The following ABHD17A variants were observed in gnomAD, a reference collection of about 807,000 sequenced individuals.
The protein encoded by ABHD17A is abhydrolase domain containing 17A, depalmitoylase.
Under a neutral mutation model 26.8 loss-of-function variants are expected in ABHD17A, and 10 were observed. The observed-to-expected ratio is 0.37, with a 90% confidence interval of 0.23 to 0.63. ABHD17A has a LOEUF of 0.63. ABHD17A is among the 30% of genes least tolerant of loss of function. ABHD17A has a pLI of 0.61. For missense variants in ABHD17A, 292 were observed against 457.3 expected (o/e 0.64, Z 3.30); for synonymous variants, 167 against 210.9 (o/e 0.79, Z 1.80).
intron 1 of ABHD17A, 196 bp from the exon 2 acceptor site, chr19:1,882,000 T>A (rs2012554273): frequency 6.0e-6 from 1 of 167,100 alleles, no homozygotes; most frequent in South Asian, 1.7e-4. Flanking sequence ...CAGCCCCCTC[T>A]CCACAGGATG....
In ABHD17A at chr19:1,877,025, C is replaced by T. The variant is rs1234601589; in HGVS notation, c.*175G>A. 1.4e-5 allele frequency: 8 copies of T among 582,716 alleles called. No homozygotes were observed. The East Asian group carries it at 2.0e-4, about 15-fold the overall frequency. 36.1% of individuals were successfully genotyped at this position (582,716 alleles called of 1,614,324 possible). On this transcript the variant is annotated 3_prime_UTR_variant, in exon 5 of 5. Transcript: ENST00000292577. The stretch of plus-strand genomic sequence containing the variant: ...GTTTTCACGTATTTTCTTCTTGCTT[C>T]CAAAAGGAAAGGAGTGCGTAGCTCT...
chr19:1,881,672 G>T lies in ABHD17A; in HGVS notation c.-106C>A. The T allele has an allele frequency of 1.4e-6, 2 of 1,380,308 alleles. No homozygotes were observed. Among genetic ancestry groups the T allele is most frequent in the Admixed American group, 3.6e-5 (1 of 28,044 alleles). The allele number at this position is 1,380,308 out of a possible 1,614,324, so 85.5% of individuals were successfully genotyped here. A position where few individuals can be genotyped will look rare whatever the true frequency, so the allele number is the denominator to read the frequency against. ...GGGGTGCTCCGAGTCGCGGGCAGGG[G>T]GGAGAGCGCCCCCCCAGCTACCGCC... On this transcript the variant is annotated 5_prime_UTR_variant, in exon 2 of 5. Transcript: ENST00000292577.
Position 1,877,040 on chromosome 19 carries a change from T to C in ABHD17A, c.*160A>G, listed in dbSNP as rs922919933. On this transcript the variant is annotated 3_prime_UTR_variant, in exon 5 of 5. Transcript: ENST00000292577. ...CTTCTTGCTTCCAAAAGGAAAGGAG[T>C]GCGTAGCTCTGTTGCCTGTACATCG... 3.6e-5 allele frequency: 21 copies of C among 589,572 alleles called. No homozygotes were observed. The highest frequency in any genetic ancestry group is 5.7e-5 in the African/African-American group (3 of 52,796). The allele number at this position is 589,572 out of a possible 1,614,324, so 36.5% of individuals were successfully genotyped here. A position where few individuals can be genotyped will look rare whatever the true frequency, so the allele number is the denominator to read the frequency against.
rs2012376165 is a variant in ABHD17A at position 1,877,065 on chromosome 19, G to T, written c.*135C>A. The T allele has an allele frequency of 1.6e-6, 1 of 630,464 alleles. No homozygotes were observed. Among genetic ancestry groups the T allele is most frequent in the Non-Finnish European group, 2.8e-6 (1 of 363,608 alleles). 39.1% of individuals were successfully genotyped at this position (630,464 alleles called of 1,614,324 possible). Reference sequence around the variant, plus strand: ...TGCGTAGCTCTGTTGCCTGTACATCGTCCACAGCCCCTGGGTCGGGGCGGG... The same window carrying T: ...TGCGTAGCTCTGTTGCCTGTACATCTTCCACAGCCCCTGGGTCGGGGCGGG... On this transcript the variant is annotated 3_prime_UTR_variant, in exon 5 of 5. Transcript: ENST00000292577.
At position 1,881,512 on chromosome 19, in the gene ABHD17A, G is replaced by A; in HGVS notation, c.55C>T (p.Pro19Ser). ...GCGAGCTTGGCAGCGATGCGGCCGGGGCAGGGCGGGCAGCAGAAGAGGCAG... is the reference window on the plus strand; with the variant it reads ...GCGAGCTTGGCAGCGATGCGGCCGGAGCAGGGCGGGCAGCAGAAGAGGCAG... ...LCCLFCCPPC[P>S]GRIAAKLAFL... The change falls in exon 2 of 5, where the codon CCC becomes TCC. Residue 19 changes from proline (P) to serine (S), a missense_variant. Physicochemically the swap from Pro to Ser is moderately conservative, Grantham distance 74 (BLOSUM62 -1). Around this residue, in one of 4 missense-constraint regions of ABHD17A, gnomAD observed 171 missense variants for 216.1 expected, o/e 0.79. Coordinates refer to ENST00000292577, the MANE Select transcript of ABHD17A (RefSeq NM_001130111.2). The A allele has an allele frequency of 1.2e-6, 2 of 1,604,146 alleles. No homozygotes were observed. The highest frequency in any genetic ancestry group is 1.7e-6 in the Non-Finnish European group (2 of 1,178,848).
At position 1,877,110 on chromosome 19, in the gene ABHD17A, G is replaced by C. The variant is rs2012378334; in HGVS notation, c.*90C>G. On this transcript the variant is annotated 3_prime_UTR_variant, in exon 5 of 5. Transcript: ENST00000292577. ...GGCGGGGTCCCCTGGGCCGCCCGGGGGGTCCACATGCAGCCCCTGGGTGGG... is the reference window on the plus strand; with the variant it reads ...GGCGGGGTCCCCTGGGCCGCCCGGGCGGTCCACATGCAGCCCCTGGGTGGG... 7.6e-7 allele frequency: 1 copy of C among 1,319,430 alleles called. No individual in the cohort carries two copies. Among genetic ancestry groups the C allele is most frequent in the Admixed American group, 2.3e-5 (1 of 43,760 alleles). 81.7% of individuals were successfully genotyped at this position (1,319,430 alleles called of 1,614,324 possible). A position where few individuals can be genotyped will look rare whatever the true frequency, so the allele number is the denominator to read the frequency against.
In ABHD17A at chr19:1,877,087, C is replaced by T. The variant is rs1463248912; in HGVS notation, c.*113G>A. The T allele has an allele frequency of 6.6e-5, 60 of 902,334 alleles. No homozygotes were observed. The highest frequency in any genetic ancestry group is 9.4e-5 in the Non-Finnish European group (57 of 604,398). The allele number at this position is 902,334 out of a possible 1,614,324, so 55.9% of individuals were successfully genotyped here. A position where few individuals can be genotyped will look rare whatever the true frequency, so the allele number is the denominator to read the frequency against. On this transcript the variant is annotated 3_prime_UTR_variant, in exon 5 of 5. Coordinates refer to ENST00000292577, the MANE Select transcript of ABHD17A (RefSeq NM_001130111.2). ...ATCGTCCACAGCCCCTGGGTCGGGG[C>T]GGGGTCCCCTGGGCCGCCCGGGGGG...
Position 1,881,601 on chromosome 19 carries a change from C to T in ABHD17A, c.-35G>A, listed in dbSNP as rs951785675. Reference sequence around the variant, plus strand: ...CGCCCAGGCCGGGCCTCCACCGGGGCCCCCGCCAACAACGCCGCCCGGCCT... The same window carrying T: ...CGCCCAGGCCGGGCCTCCACCGGGGTCCCCGCCAACAACGCCGCCCGGCCT... On this transcript the variant is annotated 5_prime_UTR_variant, in exon 2 of 5. Coordinates refer to ENST00000292577, the MANE Select transcript of ABHD17A (RefSeq NM_001130111.2). The T allele has an allele frequency of 5.3e-6, 8 of 1,510,354 alleles. No individual in the cohort carries two copies. The highest frequency in any genetic ancestry group is 1.2e-5 in the South Asian group (1 of 80,264). The allele number at this position is 1,510,354 out of a possible 1,614,324, so 93.6% of individuals were successfully genotyped here. A position where few individuals can be genotyped will look rare whatever the true frequency, so the allele number is the denominator to read the frequency against.
At chr19:1,885,076 C>T (rs920099439) in intron 1 of ABHD17A, among the ~76,000 whole-genome samples, 2 of 152,176 alleles carry the variant, frequency 1.3e-5, no homozygotes, top group African/African-American at 2.4e-5. Flanking sequence ...GCGGAATCCG[C>T]GGCTCGGACG....
chr19:1,881,886 C>G, intron 1 of ABHD17A, 82 bp from the exon 2 acceptor site: 1 of 288,118 alleles, frequency 3.5e-6, no homozygotes. Flanking sequence ...GGCATCCACC[C>G]GTGCCAGGGG....
intron 1 of ABHD17A, chr19:1,882,964 C>T (rs2012582972): frequency 6.6e-6 from 1 of 152,224 alleles, no homozygotes; most frequent in African/African-American, 2.4e-5. Context: ...CTGCAGGCGC[C>T]ACAGACACGG....
At chr19:1,878,092 T>C (rs1383589461) in intron 3 of ABHD17A, 1 of 226,208 alleles carries the variant, frequency 4.4e-6, no homozygotes, top group African/African-American at 2.4e-5. Context: ...TAGAAAACCG[T>C]TCCTGGTGCA....
In ABHD17A at chr19:1,881,356, T is replaced by A; in HGVS notation, c.211A>T (p.Thr71Ser). ...CTGTACTGGAAGTCGGCACGCTCCG[T>A]CAGGTGCAGCTTCCAGCGCCCGGGT... ...GAPGRWKLHL[T>S]ERADFQYSQR... The change falls in exon 2 of 5, where the codon ACG (threonine) becomes TCG (serine). Residue 71 changes from threonine to serine, a missense_variant. By Grantham distance (58) the Thr-to-Ser change is moderately conservative. Transcript: ENST00000292577. The A allele has an allele frequency of 6.2e-7, 1 of 1,609,274 alleles. No individual in the cohort carries two copies. Among genetic ancestry groups the A allele is most frequent in the Non-Finnish European group, 8.5e-7 (1 of 1,179,568 alleles).
Position 1,876,851 on chromosome 19 carries a change from A to G in ABHD17A, c.*349T>C, listed in dbSNP as rs1265669348. ...ACCCCACTTCCGCAGAGTAAAACCT[A>G]TAAGGGGGTCCGTGCCGATCTCTCC... On this transcript the variant is annotated 3_prime_UTR_variant, in exon 5 of 5. Coordinates refer to ENST00000292577, the MANE Select transcript of ABHD17A (RefSeq NM_001130111.2). The G allele has an allele frequency of 2.8e-5, 9 of 322,790 alleles. No homozygotes were observed. Among genetic ancestry groups the G allele is most frequent in the Admixed American group, 9.7e-5 (2 of 20,644 alleles). The allele number at this position is 322,790 out of a possible 1,614,324, so 20.0% of individuals were successfully genotyped here. A position where few individuals can be genotyped will look rare whatever the true frequency, so the allele number is the denominator to read the frequency against.
chr19:1,881,438 C>A lies in ABHD17A; in HGVS notation c.129G>T (p.Pro43=). 1.2e-6 allele frequency: 2 copies of A among 1,602,172 alleles called. No homozygotes were observed. Among genetic ancestry groups the A allele is most frequent in the Non-Finnish European group, 8.5e-7 (1 of 1,178,096 alleles). Residue 43 remains proline, a synonymous_variant, in exon 2 of 5, where the codon CCG becomes CCT. Coordinates refer to ENST00000292577, the MANE Select transcript of ABHD17A (RefSeq NM_001130111.2). ...GGGCGGCCCCGGCCCCACCAGGCCCCGGCTCGGGCTCAGGCACCAGGGAGT... is the reference window on the plus strand; with the variant it reads ...GGGCGGCCCCGGCCCCACCAGGCCCAGGCTCGGGCTCAGGCACCAGGGAGT... The part of the protein sequence containing the change: ...ATYSLVPEPE[P]GPGGAGAAPL...
At position 1,879,619 on chromosome 19, in the gene ABHD17A, C is replaced by G; in HGVS notation, c.527+302G>C. 1 of 470,704 alleles carries G rather than the reference C, an allele frequency of 2.1e-6. No homozygotes were observed. Among genetic ancestry groups the G allele is most frequent in the East Asian group, 4.0e-5 (1 of 24,860 alleles). 29.2% of individuals were successfully genotyped at this position (470,704 alleles called of 1,614,324 possible). On this transcript the variant is annotated intron_variant, in intron 3 of 4. Transcript: ENST00000292577. This position sits in a 1 kb window ranked among gnomAD's most constrained non-coding sequence, Gnocchi z 7.6. ...CCAGACCACCACCCACTCCCTCCCG[C>G]CGGGTGGCATCCACACCCCTGTGAC...
chr19:1,881,018 G>C (rs1340121851), intron 2 of ABHD17A: 1 of 1,611,324 alleles, frequency 6.2e-7, no homozygotes. Context: ...ATGCCAGCTG[G>C]GGATGGCCTC....
rs763586472 is a variant in ABHD17A at position 1,880,138 on chromosome 19, G to A, written c.333-23C>T. ...TACCTGGGACAGGCCGAGAAGGGCC[G>A]TTCACATCCTCGCTCCCAGCGCCCA... On this transcript the variant is annotated intron_variant, in intron 2 of 4. Transcript: ENST00000292577. This position sits in a 1 kb window ranked among gnomAD's most constrained non-coding sequence, Gnocchi z 4.1. 4.0e-5 allele frequency: 64 copies of A among 1,611,616 alleles called. 1 individual carries two copies. Among genetic ancestry groups the A allele is most frequent in the African/African-American group, 1.6e-4 (12 of 75,024 alleles).
At chr19:1,877,911 C>T (rs891995077) in intron 3 of ABHD17A, 18 of 546,098 alleles carry the variant, frequency 3.3e-5, no homozygotes, top group Non-Finnish European at 4.9e-5. Context: ...CCTGCGCTGC[C>T]GTTCACTGGC....
Sources: allele counts gnomAD v4.1 joint callset (sites outside exome capture counted in the v4.1 genomes callset), GRCh38; gene constraint gnomAD v4.1.1; regional missense constraint gnomAD v4.1.1; non-coding constraint Gnocchi (gnomAD v3.1); transcripts MANE v1.5; gene names NCBI Gene and HGNC (gene_info 2026-07-23, HGNC 2026-07-21).